Variants in PARN observed in about 807,000 individuals in gnomAD.
PARN encodes poly(A)-specific ribonuclease PARN.
A neutral mutation model predicts 102.8 loss-of-function variants in PARN; 71 were observed. That is an observed-to-expected ratio of 0.69 (90% CI 0.57 to 0.84). The LOEUF is 0.84. Ranked by LOEUF, PARN falls within the 40% of genes least tolerant of loss-of-function variation. The probability of loss-of-function intolerance (pLI) is 0.00; values close to 1 mark genes in which losing one functional copy is unlikely to be tolerated. For missense variants in PARN, 782 were observed against 760.9 expected, an observed-to-expected ratio of 1.03 and a Z score of -0.33; for synonymous variants, 261 against 252.9, an observed-to-expected ratio of 1.03 and a Z score of -0.30.
At chr16:14,487,038 G>C (rs538599108) in intron 21 of PARN, among the ~76,000 whole-genome samples, 1 of 152,196 alleles carries the variant, frequency 6.6e-6, no homozygotes, top group African/African-American at 2.4e-5. Flanking sequence ...AGCACGGTCC[G>C]GGGTGGTCCA....
chr16:14,588,179 A>G (rs1969971823), intron 13 of PARN, among the ~76,000 whole-genome samples: 2 of 152,248 alleles, frequency 1.3e-5, no homozygotes, highest in Non-Finnish European at 2.9e-5. Context: ...AAAGCTGTGA[A>G]CAACAAACAT....
At chr16:14,438,349 C>A (rs1960798021) in intron 23 of PARN, among the ~76,000 whole-genome samples, 1 of 151,450 alleles carries the variant, frequency 6.6e-6, no homozygotes, top group Non-Finnish European at 1.5e-5. Flanking sequence ...TAAATTAAAT[C>A]CAGCTCAGAG....
At chr16:14,522,217 T>C (rs903419667) in intron 21 of PARN, among the ~76,000 whole-genome samples, 5 of 152,226 alleles carry the variant, frequency 3.3e-5, no homozygotes, top group Admixed American at 6.5e-5. Flanking sequence ...GAGAGATCTT[T>C]AGCCACAAAC....
At chr16:14,618,717 G>C (rs1972093125) in intron 5 of PARN, among the ~76,000 whole-genome samples, 1 of 151,338 alleles carries the variant, frequency 6.6e-6, no homozygotes, top group South Asian at 2.1e-4. Context: ...TAGGCAGAAA[G>C]CTCCTGATCG....
chr16:14,622,123 G>A (rs1169694612), intron 5 of PARN, among the ~76,000 whole-genome samples: 1 of 152,016 alleles, frequency 6.6e-6, no homozygotes, highest in African/African-American at 2.4e-5. Flanking sequence ...AACTCGGGAG[G>A]TGGAGGTTAC....
At chr16:14,502,883 G>A (rs1964695001) in intron 21 of PARN, among the ~76,000 whole-genome samples, 1 of 152,054 alleles carries the variant, frequency 6.6e-6, no homozygotes, top group African/African-American at 2.4e-5. Flanking sequence ...GAAGAACCAC[G>A]GCTTAACTTC....
At chr16:14,467,198 C>T (rs1376640708) in intron 22 of PARN, among the ~76,000 whole-genome samples, 3 of 152,130 alleles carry the variant, frequency 2.0e-5, no homozygotes, top group Admixed American at 6.5e-5. Context: ...CAAATGAAGG[C>T]ATCATTAGCA....
chr16:14,476,164 A>T (rs1196453990), intron 22 of PARN, among the ~76,000 whole-genome samples: 1 of 152,238 alleles, frequency 6.6e-6, no homozygotes, highest in Non-Finnish European at 1.5e-5. Context: ...ATATATAATT[A>T]AAAATGTTCA....
chr16:14,586,302 C>T lies in PARN; in HGVS notation c.962+16G>A. On this transcript the variant is annotated intron_variant, in intron 14 of 23. Transcript: ENST00000437198. The stretch of plus-strand genomic sequence containing the variant: ...AACTTTTTTAAAAGAAAGACAAATC[C>T]TCAAAGAAAGCTTACCTGGGGAAAA... 6.6e-7 allele frequency: 1 copy of T among 1,517,202 alleles called. No individual in the cohort carries two copies. Among genetic ancestry groups the T allele is most frequent in the Non-Finnish European group, 9.0e-7 (1 of 1,113,228 alleles). The allele number at this position is 1,517,202 out of a possible 1,614,324, so 94.0% of individuals were successfully genotyped here.
At chr16:14,624,957 G>A (rs1408295637) in intron 5 of PARN, among the ~76,000 whole-genome samples, 2 of 152,090 alleles carry the variant, frequency 1.3e-5, no homozygotes. Context: ...GGCTGACGCA[G>A]GAGAATCACT....
chr16:14,613,757 A>G (rs1971680207), intron 6 of PARN, among the ~76,000 whole-genome samples: 1 of 152,222 alleles, frequency 6.6e-6, no homozygotes, highest in Non-Finnish European at 1.5e-5. Flanking sequence ...ACTGGCAAAA[A>G]AAGTGGTCCA....
intron 21 of PARN, among the ~76,000 whole-genome samples, chr16:14,527,657 A>G (rs1469481911): frequency 6.6e-6 from 1 of 152,208 alleles, no homozygotes; most frequent in Non-Finnish European, 1.5e-5. Flanking sequence ...TGATTCATTA[A>G]CACTGAACTC....
Position 14,559,360 on chromosome 16 carries a change from G to C in PARN, c.1263-3651C>G, listed in dbSNP as rs1277629379. Among the ~76,000 whole-genome samples the C allele has an allele frequency of 2.0e-5, 3 of 150,516 alleles. No individual in the cohort carries two copies. The East Asian group carries it at 5.8e-4, about 29-fold the overall frequency. ...CACCTGAATTTTCAATATTATCTCT[G>C]ATTAAAGTAAGCAAAAATTTATTCT... On this transcript the variant is annotated intron_variant, in intron 18 of 23. Transcript: ENST00000437198.
rs922891949 is a variant in PARN, at chr16:14,630,223, C to T, written c.-98G>A. On this transcript the variant is annotated 5_prime_UTR_variant, in exon 1 of 24. Transcript: ENST00000437198. ...GCGGCGACTGCGGCAGTAGCTGAGG[C>T]AGCCGCAGCGGTGACGCCGGCCGCG... 5 of 1,112,820 alleles carry T rather than the reference C, an allele frequency of 4.5e-6. No homozygotes were observed. Among genetic ancestry groups the T allele is most frequent in the South Asian group, 1.4e-5 (1 of 70,018 alleles). 68.9% of individuals were successfully genotyped at this position (1,112,820 alleles called of 1,614,324 possible).
At chr16:14,531,740 T>C (rs1003512291) in intron 21 of PARN, among the ~76,000 whole-genome samples, 1 of 151,894 alleles carries the variant, frequency 6.6e-6, no homozygotes, top group East Asian at 1.9e-4. Context: ...ACAACAACCA[T>C]GCTTTCCAAG....
At chr16:14,452,262 G>A (rs1395193130) in intron 22 of PARN, among the ~76,000 whole-genome samples, 2 of 152,166 alleles carry the variant, frequency 1.3e-5, no homozygotes, top group African/African-American at 4.8e-5. Flanking sequence ...ATAAACAACT[G>A]ACTGCTATGC....
intron 21 of PARN, among the ~76,000 whole-genome samples, chr16:14,515,934 C>T (rs1047790566): frequency 3.3e-5 from 5 of 151,784 alleles, no homozygotes; most frequent in South Asian, 4.2e-4. Context: ...GATAGATACT[C>T]GACTAAAAAT....
chr16:14,546,077 C>T (rs1462988561), intron 21 of PARN, among the ~76,000 whole-genome samples: 2 of 151,982 alleles, frequency 1.3e-5, no homozygotes, highest in African/African-American at 4.8e-5. Flanking sequence ...CTGGAATGAA[C>T]AAGGAAAAAT....
At chr16:14,492,491 C>T (rs1596506731) in intron 21 of PARN, among the ~76,000 whole-genome samples, 2 of 152,122 alleles carry the variant, frequency 1.3e-5, no homozygotes, top group Admixed American at 6.5e-5. Context: ...GCTTCACTGA[C>T]GAGGCAGAGA....
Sources: gnomAD v4.1 joint callset for allele counts (sites outside exome capture counted in the v4.1 genomes callset) on GRCh38, gnomAD v4.1.1 for gene constraint, MANE v1.5 for transcripts, NCBI Gene and HGNC (gene_info 2026-07-23, HGNC 2026-07-21) for gene names.